The following SERGEF variants were observed in gnomAD, a reference collection of about 807,000 sequenced individuals.
The protein encoded by SERGEF is secretion regulating guanine nucleotide exchange factor, also known as secretion-regulating guanine nucleotide exchange factor.
In SERGEF, 51 loss-of-function variants were observed where a neutral mutation model predicts 50.0. The ratio of observed to expected loss-of-function variants is 1.02; its 90% CI spans 0.81 to 1.29. The LOEUF (loss-of-function observed/expected upper bound fraction) is 1.29. Ranked by LOEUF, SERGEF falls within the 50% of genes most tolerant of loss-of-function variation. SERGEF has a pLI of 0.00. For synonymous variants in SERGEF, 205 were observed against 212.4 expected, an observed-to-expected ratio of 0.97 and a Z score of 0.30; for missense variants, 521 against 557.0, an observed-to-expected ratio of 0.94 and a Z score of 0.65.
intron 10 of SERGEF, among the ~76,000 whole-genome samples, chr11:17,829,267 C>A (rs1565178960): frequency 6.6e-6 from 1 of 152,200 alleles, no homozygotes; most frequent in Non-Finnish European, 1.5e-5. Context: ...TAGTCTCTTG[C>A]AAACTTTATT....
At chr11:17,977,414 G>A (rs1853399594) in intron 8 of SERGEF, among the ~76,000 whole-genome samples, 1 of 152,094 alleles carries the variant, frequency 6.6e-6, no homozygotes, top group South Asian at 2.1e-4. Flanking sequence ...GGCACAGAGG[G>A]GAAAGGTATT....
intron 6 of SERGEF, among the ~76,000 whole-genome samples, chr11:17,993,621 T>C (rs1484384766): frequency 6.6e-6 from 1 of 152,242 alleles, no homozygotes; most frequent in Admixed American, 6.5e-5. Flanking sequence ...CAGTCTAGCA[T>C]GCAGATAGAC....
intron 10 of SERGEF, among the ~76,000 whole-genome samples, chr11:17,838,082 G>C (rs1240753180): frequency 6.6e-6 from 1 of 152,220 alleles, no homozygotes. Context: ...GAAGACCTGG[G>C]TGCCATATGT....
At chr11:17,996,112 A>G (rs1853832797) in intron 5 of SERGEF, among the ~76,000 whole-genome samples, 1 of 152,254 alleles carries the variant, frequency 6.6e-6, no homozygotes, top group South Asian at 2.1e-4. Flanking sequence ...TCTTCAGGAC[A>G]GACTAAGACC....
chr11:18,007,201 C>T (rs1854092639), intron 2 of SERGEF, among the ~76,000 whole-genome samples: 1 of 152,102 alleles, frequency 6.6e-6, no homozygotes, highest in African/African-American at 2.4e-5. Flanking sequence ...AACACTAAAT[C>T]TGGAGTGGAT....
intron 9 of SERGEF, among the ~76,000 whole-genome samples, chr11:17,916,219 C>T (rs1852046108): frequency 6.6e-6 from 1 of 152,184 alleles, no homozygotes; most frequent in South Asian, 2.1e-4. Flanking sequence ...CGCTCTATCA[C>T]CTGGCCCTTC....
intron 10 of SERGEF, among the ~76,000 whole-genome samples, chr11:17,835,729 TA>T (rs1160306363): frequency 6.6e-6 from 1 of 152,330 alleles, no homozygotes; most frequent in East Asian, 1.9e-4. Context: ...AGATTTAATT[TA>T]TTTTTTTCCT....
rs542993239 is a variant in SERGEF at position 17,988,876 on chromosome 11, T to C, written c.686-121A>G. 3.2e-6 allele frequency: 3 copies of C among 930,478 alleles called. No homozygotes were observed. The East Asian group carries it at 8.2e-5, about 25-fold the overall frequency. The allele number at this position is 930,478 out of a possible 1,614,324, so 57.6% of individuals were successfully genotyped here. On this transcript the variant is annotated intron_variant, in intron 7 of 10. Transcript: ENST00000265965. ...GTTGTTTTATACTTAGACTACAAGG[T>C]TGAGTGGAGCCAAGCAGGTTACAAA...
chr11:17,831,917 C>A (rs1347734596), intron 10 of SERGEF, among the ~76,000 whole-genome samples: 1 of 152,190 alleles, frequency 6.6e-6, no homozygotes, highest in Non-Finnish European at 1.5e-5. Flanking sequence ...TCTCAAGGCT[C>A]TCCCTGACTC....
At chr11:17,873,052 T>C (rs1048943089) in intron 10 of SERGEF, among the ~76,000 whole-genome samples, 9 of 152,296 alleles carry the variant, frequency 5.9e-5, no homozygotes, top group Middle Eastern at 3.4e-3. Flanking sequence ...GGGGATAGCA[T>C]GGAAGGGAGT....
At chr11:17,951,564 A>G (rs940485815) in intron 9 of SERGEF, among the ~76,000 whole-genome samples, 2 of 152,158 alleles carry the variant, frequency 1.3e-5, no homozygotes, top group Non-Finnish European at 2.9e-5. Flanking sequence ...GCTTTTCCTG[A>G]TATGACACTG....
intron 10 of SERGEF, among the ~76,000 whole-genome samples, chr11:17,848,232 T>C (rs1380279336): frequency 6.6e-6 from 1 of 152,120 alleles, no homozygotes; most frequent in Non-Finnish European, 1.5e-5. Flanking sequence ...TTACAAATTT[T>C]ATAGAAAGAA....
chr11:17,885,557 C>T (rs1288896911), intron 9 of SERGEF, among the ~76,000 whole-genome samples: 1 of 152,012 alleles, frequency 6.6e-6, no homozygotes, highest in Non-Finnish European at 1.5e-5. Flanking sequence ...CTCCTGGCTT[C>T]AAGCGACCCT....
chr11:17,851,572 T>C (rs993714051), intron 10 of SERGEF, among the ~76,000 whole-genome samples: 2 of 151,986 alleles, frequency 1.3e-5, no homozygotes, highest in African/African-American at 4.8e-5. Context: ...CAGGACCTGG[T>C]AGAAAAGTAT....
intron 9 of SERGEF, among the ~76,000 whole-genome samples, chr11:17,927,578 G>A (rs146913715): frequency 6.6e-6 from 1 of 152,220 alleles, no homozygotes; most frequent in African/African-American, 2.4e-5. Flanking sequence ...CCTCAGGCAA[G>A]TCACTCTCCT....
chr11:18,004,270 C>T (rs1017193832), intron 4 of SERGEF, among the ~76,000 whole-genome samples, 171 bp downstream of exon 4: 3 of 152,168 alleles, frequency 2.0e-5, no homozygotes, highest in African/African-American at 7.2e-5. Flanking sequence ...TCATTCACAA[C>T]GTTTACCTCC....
At chr11:17,978,806 G>GA (rs1853433530) in intron 8 of SERGEF, among the ~76,000 whole-genome samples, 2 of 152,138 alleles carry the variant, frequency 1.3e-5, no homozygotes, top group African/African-American at 4.8e-5. Context: ...TTTCAGCTCT[G>GA]ACCTTACTAA....
intron 9 of SERGEF, among the ~76,000 whole-genome samples, chr11:17,878,838 C>T (rs1279084219): frequency 6.6e-6 from 1 of 152,220 alleles, no homozygotes; most frequent in African/African-American, 2.4e-5. Flanking sequence ...GTCCTCTCCT[C>T]TACTGCATAC....
intron 9 of SERGEF, among the ~76,000 whole-genome samples, chr11:17,887,611 T>C (rs918955229): frequency 6.6e-6 from 1 of 152,224 alleles, no homozygotes; most frequent in Admixed American, 6.5e-5. Flanking sequence ...CTTACACTGC[T>C]GACGGGAGTG....
Sources: gnomAD v4.1 joint callset for allele counts (sites outside exome capture counted in the v4.1 genomes callset) on GRCh38, gnomAD v4.1.1 for gene constraint, MANE v1.5 for transcripts, NCBI Gene and HGNC (gene_info 2026-07-23, HGNC 2026-07-21) for gene names.